The following NAV2 variants were observed in gnomAD, a reference collection of about 807,000 sequenced individuals.
The protein encoded by NAV2 is neuron navigator 2.
NAV2 carries 54 observed loss-of-function variants against 223.2 expected under a neutral mutation model. That is an observed-to-expected ratio of 0.24 (90% CI 0.19 to 0.30). The LOEUF (loss-of-function observed/expected upper bound fraction) is 0.30. Ranked by LOEUF, NAV2 falls within the 10% of genes least tolerant of loss-of-function variation. The pLI is 1.00. For synonymous variants in NAV2, 1,279 were observed against 1,239.3 expected, an observed-to-expected ratio of 1.03 and a Z score of -0.67; for missense variants, 2,806 against 3,147.5, an observed-to-expected ratio of 0.89 and a Z score of 2.60.
In NAV2 at chr11:19,867,240, T is replaced by TC. The variant is rs34793790; in HGVS notation, c.439-1681dup. 6.6e-4 allele frequency among the ~76,000 whole-genome samples: 100 copies of TC among 152,318 alleles called. 2 individuals carry two copies. In the East Asian group the frequency reaches 0.011, roughly 16 times the overall value. ...CTCCCAGCCAGTATTGTGTTTACTT[T>TC]CCCCTCCCTCATTCCCTCTAAGCCA... On this transcript the variant is annotated intron_variant, in intron 3 of 37. Transcript: ENST00000349880.
chr11:19,692,101 C>T (rs146273145), intron 1 of NAV2, among the ~76,000 whole-genome samples: 13 of 152,340 alleles, frequency 8.5e-5, no homozygotes, highest in East Asian at 1.9e-4. Context: ...ATTTCAGGGG[C>T]GGCTCTTCTC....
intron 2 of NAV2, among the ~76,000 whole-genome samples, chr11:19,840,552 A>G (rs2060455080): frequency 6.6e-6 from 1 of 152,190 alleles, no homozygotes. Context: ...TTTGGAAGAC[A>G]CCTTGACTGG....
At chr11:19,509,962 C>T (rs374765962) in intron 1 of NAV2, among the ~76,000 whole-genome samples, 2 of 152,268 alleles carry the variant, frequency 1.3e-5, no homozygotes, top group African/African-American at 4.8e-5. Context: ...TTTTACTGGG[C>T]ATTAGCATTT....
chr11:20,087,353 T>C (rs990527774), intron 26 of NAV2, among the ~76,000 whole-genome samples: 5 of 152,190 alleles, frequency 3.3e-5, no homozygotes, highest in Non-Finnish European at 7.3e-5. Flanking sequence ...ACACTGGAGA[T>C]GTTTGTTTTT....
At chr11:19,429,169 G>A (rs1850948798) in intron 1 of NAV2, among the ~76,000 whole-genome samples, 1 of 152,216 alleles carries the variant, frequency 6.6e-6, no homozygotes, top group African/African-American at 2.4e-5. Flanking sequence ...AGCTCAGTGA[G>A]TCCAGAGGTG....
At chr11:19,698,829 AGTGT>A (rs1253491850) in intron 1 of NAV2, among the ~76,000 whole-genome samples, 6 of 151,936 alleles carry the variant, frequency 3.9e-5, no homozygotes, top group Non-Finnish European at 7.4e-5. Context: ...AGAGAGAGAG[AGTGT>A]GTGTGTATGT....
Position 19,733,981 on chromosome 11 carries a change from G to T in NAV2, c.267+20019G>T, listed in dbSNP as rs554158013. ...TGCTCACAACAATCTTATAGGAAAG[G>T]TACTGTAATTAGCCCCATTTTTAGT... is the stretch of plus-strand genomic sequence containing the variant. On this transcript the variant is annotated intron_variant, in intron 1 of 37. Transcript: ENST00000349880. Among the ~76,000 whole-genome samples the T allele has an allele frequency of 2.0e-5, 3 of 152,244 alleles. No homozygotes were observed. In the East Asian group the frequency reaches 5.8e-4, roughly 29 times the overall value.
chr11:19,770,601 G>A (rs992464400), intron 1 of NAV2, among the ~76,000 whole-genome samples: 1 of 152,210 alleles, frequency 6.6e-6, no homozygotes, highest in Non-Finnish European at 1.5e-5. Flanking sequence ...GGAATAGCAT[G>A]TCTGCTCTTG....
chr11:20,087,947 G>A (rs749555205), intron 26 of NAV2, among the ~76,000 whole-genome samples: 18 of 152,200 alleles, frequency 1.2e-4, no homozygotes, highest in Non-Finnish European at 2.6e-4. Flanking sequence ...TATTCCATAA[G>A]CATTTGTTAG....
chr11:20,036,000 C>G lies in NAV2; in HGVS notation c.2810C>G (p.Thr937Ser), dbSNP rs149620261. Reference protein sequence around the residue: ...SSSVSSGISDTIDNLSTDDIN... With the variant: ...SSSVSSGISDSIDNLSTDDIN... ...TCCGTCAGCAGCGGCATCAGCGACA[C>G]CATAGACAACCTCAGCACTGATGAC... The change falls in exon 12 of 38, where the codon ACC becomes AGC. Residue 937 changes from threonine to serine, a missense_variant. Thr to Ser is a moderately conservative substitution (Grantham distance 58). This residue lies in a region of NAV2 where 73 missense variants were observed against 119.7 expected (regional missense o/e 0.61). Transcript: ENST00000349880. 15 of 1,614,184 alleles carry G rather than the reference C, an allele frequency of 9.3e-6. No individual in the cohort carries two copies. The African/African-American group carries it at 1.7e-4, about 19-fold the overall frequency.
intron 11 of NAV2, among the ~76,000 whole-genome samples, chr11:20,032,438 T>A (rs539579669): frequency 9.2e-5 from 14 of 152,240 alleles, no homozygotes; most frequent in African/African-American, 3.4e-4. Context: ...GGAAGAAAGG[T>A]TACAATTTCA....
intron 1 of NAV2, among the ~76,000 whole-genome samples, chr11:19,416,343 C>T (rs971270421): frequency 2.6e-5 from 4 of 152,130 alleles, no homozygotes; most frequent in African/African-American, 9.7e-5. Context: ...CTCCCATTCA[C>T]AATTGCTACA....
At chr11:19,551,513 C>T (rs893952954) in intron 1 of NAV2, among the ~76,000 whole-genome samples, 1 of 152,218 alleles carries the variant, frequency 6.6e-6, no homozygotes, top group Non-Finnish European at 1.5e-5. Flanking sequence ...TGCACCCCTC[C>T]CTCCTGGCCT....
intron 1 of NAV2, among the ~76,000 whole-genome samples, chr11:19,789,884 G>A (rs1318613210): frequency 6.6e-6 from 1 of 152,116 alleles, no homozygotes. Flanking sequence ...CTGCTTTCTG[G>A]GAATCCTGCA....
chr11:19,620,556 CTGTT>C (rs891538344), intron 1 of NAV2, among the ~76,000 whole-genome samples: 144 of 152,228 alleles, frequency 9.5e-4, no homozygotes, highest in African/African-American at 3.4e-3. Context: ...ATTTGGCCCT[CTGTT>C]TGTCTGTTGT....
intron 1 of NAV2, among the ~76,000 whole-genome samples, chr11:19,733,418 C>T (rs1392229777): frequency 2.0e-5 from 3 of 152,184 alleles, no homozygotes; most frequent in Non-Finnish European, 2.9e-5. Flanking sequence ...GAGTCCATAC[C>T]TTACTATCAC....
chr11:20,077,394 T>G (rs2059828742), intron 22 of NAV2, among the ~76,000 whole-genome samples, 158 bp from the exon 23 acceptor site: 1 of 152,014 alleles, frequency 6.6e-6, no homozygotes. Context: ...CTGGAGTGAC[T>G]GGATCCCAAA....
chr11:19,447,460 C>T (rs937777635), intron 1 of NAV2, among the ~76,000 whole-genome samples: 7 of 152,144 alleles, frequency 4.6e-5, no homozygotes, highest in Non-Finnish European at 8.8e-5. Flanking sequence ...GCTGAGACAC[C>T]AGGACAAACG....
chr11:19,521,410 G>A (rs969947130), intron 1 of NAV2, among the ~76,000 whole-genome samples: 33 of 152,156 alleles, frequency 2.2e-4, no homozygotes, highest in Admixed American at 1.4e-3. Context: ...CGGCCAAATC[G>A]GAGCTGGCTC....
Sources: allele counts gnomAD v4.1 joint callset (sites outside exome capture counted in the v4.1 genomes callset), GRCh38; gene constraint gnomAD v4.1.1; regional missense constraint gnomAD v4.1.1; transcripts MANE v1.5; gene names NCBI Gene and HGNC (gene_info 2026-07-23, HGNC 2026-07-21).